Variants in DYDC1 observed in about 807,000 individuals in gnomAD.
The protein encoded by DYDC1 is DPY30 domain-containing protein 1.
In DYDC1, 21 loss-of-function variants were observed where a neutral mutation model predicts 27.9. The observed-to-expected ratio is 0.75, with a 90% CI of 0.53 to 1.08. The LOEUF (loss-of-function observed/expected upper bound fraction) is 1.08. DYDC1 is among the 50% of genes least tolerant of loss of function. The pLI, the probability that DYDC1 is intolerant of heterozygous loss-of-function variation, is 0.00. For synonymous variants in DYDC1, 67 were observed against 65.8 expected, an observed-to-expected ratio of 1.02 and a Z score of -0.09; for missense variants, 202 against 205.9, an observed-to-expected ratio of 0.98 and a Z score of 0.12.
intron 4 of DYDC1, among the ~76,000 whole-genome samples, chr10:80,341,595 AC>A (rs1842321431): frequency 6.6e-6 from 1 of 152,086 alleles, no homozygotes; most frequent in Admixed American, 6.6e-5. Flanking sequence ...AGATTGGAAT[AC>A]CCTCAATATT....
At chr10:80,356,137 T>C (rs1843354488) in intron 1 of DYDC1, 2 of 624,684 alleles carry the variant, frequency 3.2e-6, no homozygotes, top group South Asian at 1.4e-4. Flanking sequence ...CTCGGATTTC[T>C]GGGCATATCA....
rs1235086355 is a variant in DYDC1, at chr10:80,351,921, C to G, written c.229G>C (p.Glu77Gln). ...CTCACCTGCTGAAGTAAGAGCTCCT[C>G]TGCTTTGAGCCTCTCCATCATTTCC... ...EQEMMERLKA[E>Q]ELLLQQQQLA... is the part of the protein sequence containing the mutation. The change falls in exon 3 of 7, where the codon GAG becomes CAG. Residue 77 changes from glutamate (E) to glutamine (Q), a missense_variant. Glu to Gln is a conservative substitution (Grantham distance 29). Transcript: ENST00000372202. 1 of 1,614,154 alleles carries G rather than the reference C, an allele frequency of 6.2e-7. No individual in the cohort carries two copies. The highest frequency in any genetic ancestry group is 1.1e-5 in the South Asian group (1 of 91,076).
Position 80,351,933 on chromosome 10 carries a change from T to G in DYDC1, c.217A>C (p.Arg73=). 1 of 1,614,172 alleles carries G rather than the reference T, an allele frequency of 6.2e-7. No homozygotes were observed. The highest frequency in any genetic ancestry group is 1.3e-5 in the African/African-American group (1 of 75,052). Residue 73 remains arginine (R), a synonymous_variant, in exon 3 of 7, where the codon AGG becomes CGG. Transcript: ENST00000372202. ...LALMEQEMME[R]LKAEELLLQQ... ...AGTAAGAGCTCCTCTGCTTTGAGCC[T>G]CTCCATCATTTCCTGCTCCATCAGA...
At chr10:80,352,140 A>G in intron 2 of DYDC1, 138 bp from the exon 3 acceptor site, 2 of 805,846 alleles carry the variant, frequency 2.5e-6, no homozygotes, top group South Asian at 1.8e-5. Flanking sequence ...AAATGATATA[A>G]TAATTTGGGA....
At chr10:80,352,943 T>C (rs966600901) in intron 1 of DYDC1, among the ~76,000 whole-genome samples, 1 of 152,062 alleles carries the variant, frequency 6.6e-6, no homozygotes, top group African/African-American at 2.4e-5. Flanking sequence ...ACCTGAAAAA[T>C]GGGTATCATC....
Position 80,347,022 on chromosome 10 carries a change from G to C in DYDC1, c.250-4661C>G, listed in dbSNP as rs189575430. ...TTGAACCCAGGGAGCAGAGGTTGGAGTGAGCTAAGATCACGCCACTTCACT... is the reference window on the plus strand; with the variant it reads ...TTGAACCCAGGGAGCAGAGGTTGGACTGAGCTAAGATCACGCCACTTCACT... On this transcript the variant is annotated intron_variant, in intron 3 of 6. Coordinates refer to ENST00000372202, the MANE Select transcript of DYDC1 (RefSeq NM_001269053.2). 1.2e-3 allele frequency among the ~76,000 whole-genome samples: 182 copies of C among 152,082 alleles called. 1 individual carries two copies. Among genetic ancestry groups the C allele is most frequent in the African/African-American group, 4.0e-3 (166 of 41,498 alleles).
At chr10:80,355,825 C>A (rs1318015159) in intron 1 of DYDC1, among the ~76,000 whole-genome samples, 1 of 152,104 alleles carries the variant, frequency 6.6e-6, no homozygotes, top group Non-Finnish European at 1.5e-5. Context: ...CACAAATGAA[C>A]CTAATTCCAA....
At chr10:80,356,198 A>G in intron 1 of DYDC1, 2 of 963,988 alleles carry the variant, frequency 2.1e-6, no homozygotes, top group Non-Finnish European at 2.5e-6. Flanking sequence ...CCTGTCTGTG[A>G]AACGAGGATA....
chr10:80,344,010 G>A lies in DYDC1; in HGVS notation c.250-1649C>T, dbSNP rs528207936. ...AGGTGCCTGTAGTCTCAGCCACTTG[G>A]GAGGCTGAGGCAAGAGAATTGCTTG... is the stretch of plus-strand genomic sequence containing the variant. On this transcript the variant is annotated intron_variant, in intron 3 of 6. Coordinates refer to ENST00000372202, the MANE Select transcript of DYDC1 (RefSeq NM_001269053.2). Among the ~76,000 whole-genome samples the A allele has an allele frequency of 7.2e-4, 109 of 152,228 alleles. 1 individual carries two copies. Among genetic ancestry groups the A allele is most frequent in the Non-Finnish European group, 1.3e-3 (89 of 68,016 alleles).
In DYDC1 at chr10:80,351,945, C is replaced by T; in HGVS notation, c.205G>A (p.Glu69Lys). 6.2e-7 allele frequency: 1 copy of T among 1,614,204 alleles called. No individual in the cohort carries two copies. The change falls in exon 3 of 7, where the codon GAA becomes AAA. Residue 69 changes from glutamate (E) to lysine (K), a missense_variant. By Grantham distance (56) the Glu-to-Lys change is moderately conservative. Coordinates refer to ENST00000372202, the MANE Select transcript of DYDC1 (RefSeq NM_001269053.2). Reference sequence around the variant, plus strand: ...TCTGCTTTGAGCCTCTCCATCATTTCCTGCTCCATCAGAGCTAATTCTCTT... The same window carrying T: ...TCTGCTTTGAGCCTCTCCATCATTTTCTGCTCCATCAGAGCTAATTCTCTT... ...RERELALMEQ[E>K]MMERLKAEEL... is the part of the protein sequence containing the mutation.
chr10:80,338,224 G>C (rs752341845), intron 6 of DYDC1: 828 of 985,326 alleles, frequency 8.4e-4, no homozygotes, highest in Middle Eastern at 1.0e-3. Flanking sequence ...AACATATTTT[G>C]AAGAGGTTTT....
At chr10:80,353,837 T>C (rs1006475369) in intron 1 of DYDC1, among the ~76,000 whole-genome samples, 5 of 152,154 alleles carry the variant, frequency 3.3e-5, no homozygotes, top group Non-Finnish European at 7.4e-5. Context: ...TCAATAATGA[T>C]AATATCTCTT....
intron 5 of DYDC1, 88 bp downstream of exon 5, chr10:80,339,009 A>G (rs1842228476): frequency 1.5e-6 from 1 of 667,584 alleles, no homozygotes; most frequent in African/African-American, 1.9e-5. Flanking sequence ...CTTGCTAAAA[A>G]TTTAGCTACT....
intron 1 of DYDC1, among the ~76,000 whole-genome samples, chr10:80,353,453 C>T (rs1006514024): frequency 1.3e-5 from 2 of 151,136 alleles, no homozygotes; most frequent in Non-Finnish European, 1.5e-5. Context: ...TGAGCCACCG[C>T]GCCTGGCCGA....
At chr10:80,348,931 G>C (rs866824928) in intron 3 of DYDC1, among the ~76,000 whole-genome samples, 9 of 151,906 alleles carry the variant, frequency 5.9e-5, no homozygotes, top group Admixed American at 2.0e-4. Flanking sequence ...TCGCTCTGTC[G>C]CCCAGGCTGG....
intron 5 of DYDC1, 140 bp downstream of exon 5, chr10:80,338,957 A>G (rs1052572386): frequency 2.0e-6 from 1 of 493,318 alleles, no homozygotes; most frequent in African/African-American, 2.0e-5. Context: ...GTGACTTGTT[A>G]TCACCGGAAA....
Position 80,336,123 on chromosome 10 carries a change from CAAAA to C in DYDC1, c.*29_*32del. The C allele has an allele frequency of 2.2e-6, 3 of 1,376,712 alleles. No individual in the cohort carries two copies. Among genetic ancestry groups the C allele is most frequent in the Non-Finnish European group, 3.0e-6 (3 of 989,350 alleles). 85.3% of individuals were successfully genotyped at this position (1,376,712 alleles called of 1,614,324 possible). A position where few individuals can be genotyped will look rare whatever the true frequency, so the allele number is the denominator to read the frequency against. On this transcript the variant is annotated 3_prime_UTR_variant, in exon 7 of 7. Coordinates refer to ENST00000372202, the MANE Select transcript of DYDC1 (RefSeq NM_001269053.2). ...CTCATGGTTTGAAATTTGAAACAAA[CAAAA>C]ACATTTATTGCTCTTAGGTTGGTTG... is the stretch of plus-strand genomic sequence containing the variant.
At chr10:80,348,236 C>T (rs971997063) in intron 3 of DYDC1, among the ~76,000 whole-genome samples, 1 of 152,016 alleles carries the variant, frequency 6.6e-6, no homozygotes, top group Non-Finnish European at 1.5e-5. Flanking sequence ...AGATTGTTTT[C>T]TTGGTTTCTT....
chr10:80,347,081 G>T (rs572194887), intron 3 of DYDC1, among the ~76,000 whole-genome samples: 2 of 146,912 alleles, frequency 1.4e-5, no homozygotes, highest in Non-Finnish European at 3.0e-5. Context: ...CTCTGTGTCC[G>T]AAAAAGAAAA....
Sources: allele counts gnomAD v4.1 joint callset (sites outside exome capture counted in the v4.1 genomes callset), GRCh38; gene constraint gnomAD v4.1.1; transcripts MANE v1.5; gene names NCBI Gene and HGNC (gene_info 2026-07-23, HGNC 2026-07-21).